The following KCNMA1 variants were observed in gnomAD, a reference collection of about 807,000 sequenced individuals.
The protein encoded by KCNMA1 is Calcium-activated potassium channel subunit alpha-1.
A neutral mutation model predicts 140.0 loss-of-function variants in KCNMA1; 29 were observed. The observed-to-expected ratio is 0.21, with a 90% CI of 0.15 to 0.28. The LOEUF is 0.28. Among genes scored for constraint, KCNMA1 ranks in the 10% least tolerant of loss-of-function variants. The pLI is 1.00. For missense variants in KCNMA1, 880 were observed against 1,602.2 expected (o/e 0.55, Z 7.70); for synonymous variants, 612 against 611.9 (o/e 1.00, Z 0.00).
intron 22 of KCNMA1, among the ~76,000 whole-genome samples, chr10:76,947,489 TA>T (rs1453113438): frequency 6.6e-6 from 1 of 152,132 alleles, no homozygotes; most frequent in Non-Finnish European, 1.5e-5. Flanking sequence ...TGTATCCTGG[TA>T]AAATAATAAA....
chr10:77,199,335 G>A (rs2041723994), intron 3 of KCNMA1, among the ~76,000 whole-genome samples: 1 of 152,208 alleles, frequency 6.6e-6, no homozygotes, highest in Non-Finnish European at 1.5e-5. Flanking sequence ...CTCTGGAGTA[G>A]TTTTCCATTT....
intron 2 of KCNMA1, among the ~76,000 whole-genome samples, chr10:77,293,734 T>C (rs1255255627): frequency 6.6e-6 from 1 of 152,190 alleles, no homozygotes; most frequent in African/African-American, 2.4e-5. Flanking sequence ...AGCCCCTTTC[T>C]CATGTCCTCA....
intron 1 of KCNMA1, among the ~76,000 whole-genome samples, chr10:77,528,432 A>T (rs965539632): frequency 1.3e-5 from 2 of 152,032 alleles, no homozygotes; most frequent in Non-Finnish European, 2.9e-5. Context: ...AACATGGTGA[A>T]ACCCTGTCTC....
chr10:77,291,087 C>T (rs1039308542), intron 2 of KCNMA1, among the ~76,000 whole-genome samples: 2 of 152,192 alleles, frequency 1.3e-5, no homozygotes, highest in Non-Finnish European at 2.9e-5. Context: ...ATGAGCCCTC[C>T]TCCCAAACCA....
At chr10:77,373,756 A>C (rs2094901534) in intron 2 of KCNMA1, 1 of 152,118 alleles carries the variant, frequency 6.6e-6, no homozygotes, top group African/African-American at 2.4e-5. Context: ...GATCTATCTA[A>C]TTGACTATTT....
chr10:77,144,497 T>C (rs1372743031), intron 5 of KCNMA1, among the ~76,000 whole-genome samples: 1 of 152,204 alleles, frequency 6.6e-6, no homozygotes, highest in African/African-American at 2.4e-5. Flanking sequence ...TATGTTGATA[T>C]GGATGACAGA....
chr10:77,584,230 A>G (rs1407698655), intron 1 of KCNMA1, among the ~76,000 whole-genome samples: 2 of 152,186 alleles, frequency 1.3e-5, no homozygotes, highest in South Asian at 4.1e-4. Context: ...GGGCCTTGGT[A>G]TTCACTACCC....
chr10:77,462,406 C>A (rs1566976840), intron 1 of KCNMA1, among the ~76,000 whole-genome samples: 1 of 152,146 alleles, frequency 6.6e-6, no homozygotes, highest in East Asian at 1.9e-4. Context: ...TATTTACAAA[C>A]AAACACAAAT....
At chr10:77,525,649 T>C (rs945280523) in intron 1 of KCNMA1, among the ~76,000 whole-genome samples, 1 of 152,198 alleles carries the variant, frequency 6.6e-6, no homozygotes, top group African/African-American at 2.4e-5. Context: ...TTTCTTCATG[T>C]GTAAAATGAA....
At chr10:77,064,413 T>C (rs1051619946) in intron 14 of KCNMA1, among the ~76,000 whole-genome samples, 1 of 152,232 alleles carries the variant, frequency 6.6e-6, no homozygotes, top group Non-Finnish European at 1.5e-5. Context: ...CAACTTCTTT[T>C]ATTTTATTCA....
At chr10:76,872,101 C>A (rs1478026821) in exon 28 of KCNMA1, 1 of 152,136 alleles carries the variant, frequency 6.6e-6, no homozygotes, top group Non-Finnish European at 1.5e-5. Context: ...GATGTCCTGC[C>A]TCATGTTCTT....
Position 77,183,122 on chromosome 10 carries a change from G to A in KCNMA1, c.808+299C>T, listed in dbSNP as rs932893850. 6.6e-5 allele frequency among the ~76,000 whole-genome samples: 10 copies of A among 152,168 alleles called. No individual in the cohort carries two copies. In the East Asian group the frequency reaches 9.6e-4, roughly 15 times the overall value. The stretch of plus-strand genomic sequence containing the variant: ...CTTCTTAATCCAGTCCTGACTCTAA[G>A]TTCCTGAATGAAAAGTGACAGAACC... On this transcript the variant is annotated intron_variant, in intron 5 of 27. Coordinates refer to ENST00000286628, the MANE Select transcript of KCNMA1 (RefSeq NM_001161352.2).
Position 76,941,018 on chromosome 10 carries a change from G to GAAGGAAGGAAGGAAGGAAGAAAGAAAGA in KCNMA1, c.2902+3754_2902+3755insTCTTTCTTTCTTCCTTCCTTCCTTCCTT, listed in dbSNP as rs1554960623. On this transcript the variant is annotated intron_variant, in intron 23 of 27. Transcript: ENST00000286628. ...GAAAGAAAGGAAGGAAGGAAGGAAGGAAGAAAGAAAGAAAGAAAGAAAGAA... is the reference window on the plus strand; with the variant it reads ...GAAAGAAAGGAAGGAAGGAAGGAAGGAAGGAAGGAAGGAAGGAAGAAAGAAAGAAAGAAAGAAAGAAAGAAAGAAAGAA... 9.9e-4 allele frequency among the ~76,000 whole-genome samples: 38 copies of GAAGGAAGGAAGGAAGGAAGAAAGAAAGA among 38,242 alleles called. No individual in the cohort carries two copies. In the East Asian group the frequency reaches 0.017, roughly 17 times the overall value. The allele number at this position is 38,242 out of a possible 152,430, so 25.1% of individuals were successfully genotyped here.
chr10:77,064,217 G>T, intron 14 of KCNMA1: 1 of 531,184 alleles, frequency 1.9e-6, no homozygotes, highest in Non-Finnish European at 2.4e-6. Flanking sequence ...TACCTTTAAT[G>T]CTAGGCAGAC....
At chr10:77,167,584 G>A (rs539793374) in intron 5 of KCNMA1, among the ~76,000 whole-genome samples, 29 of 152,156 alleles carry the variant, frequency 1.9e-4, no homozygotes, top group African/African-American at 5.1e-4. Flanking sequence ...TAATGAAACC[G>A]GCAATATTTA....
At chr10:77,447,186 ACAG>A (rs2097544720) in intron 1 of KCNMA1, among the ~76,000 whole-genome samples, 1 of 152,190 alleles carries the variant, frequency 6.6e-6, no homozygotes, top group Non-Finnish European at 1.5e-5. Flanking sequence ...GTACAGAAGC[ACAG>A]CAATTTGGGC....
Position 77,090,517 on chromosome 10 carries a change from A to G in KCNMA1, c.1224-7T>C. 6.3e-7 allele frequency: 1 copy of G among 1,591,320 alleles called. No individual in the cohort carries two copies. Among genetic ancestry groups the G allele is most frequent in the Non-Finnish European group, 8.6e-7 (1 of 1,159,152 alleles). On this transcript the variant is annotated splice_polypyrimidine_tract_variant and splice_region_variant and intron_variant, in intron 9 of 27. Transcript: ENST00000286628. ...TCCGCAGACCACAATGTGCCTGAAC[A>G]GGAGAGGCCAGTTAGATCAGGCCAG...
At chr10:77,312,558 G>T (rs142152188) in intron 2 of KCNMA1, among the ~76,000 whole-genome samples, 5 of 152,318 alleles carry the variant, frequency 3.3e-5, no homozygotes, top group Non-Finnish European at 5.9e-5. Flanking sequence ...CTTGGGAGAC[G>T]GAGATTGTAG....
intron 24 of KCNMA1, chr10:76,913,772 A>T (rs2051400603): frequency 2.7e-6 from 1 of 367,564 alleles, no homozygotes; most frequent in Non-Finnish European, 4.9e-6. Flanking sequence ...AAAAAGGCTC[A>T]GGCCAGAGAA....
Sources: gnomAD v4.1 joint callset for allele counts (sites outside exome capture counted in the v4.1 genomes callset) on GRCh38, gnomAD v4.1.1 for gene constraint, MANE v1.5 for transcripts, NCBI Gene and HGNC (gene_info 2026-07-23, HGNC 2026-07-21) for gene names.